TCTN1: variants seen among roughly 807,000 people sequenced by gnomAD.
TCTN1 encodes the protein tectonic-1.
TCTN1 carries 58 observed loss-of-function variants against 65.8 expected under a neutral mutation model. That is an observed-to-expected ratio of 0.88 (90% CI 0.71 to 1.10). The LOEUF (loss-of-function observed/expected upper bound fraction) is 1.10. Among genes scored for constraint, TCTN1 ranks in the 50% least tolerant of loss-of-function variants. TCTN1 has a pLI of 0.00. For missense variants in TCTN1, 645 were observed against 719.4 expected, an observed-to-expected ratio of 0.90 and a Z score of 1.18; for synonymous variants, 273 against 289.1, an observed-to-expected ratio of 0.94 and a Z score of 0.57.
chr12:110,647,988 C>T (rs1425141479), intron 14 of TCTN1, 95 bp downstream of exon 14: 4 of 1,568,642 alleles, frequency 2.5e-6, no homozygotes, highest in African/African-American at 2.7e-5. Flanking sequence ...GCATTTTATA[C>T]TTTTTGAGGG....
intron 1 of TCTN1, among the ~76,000 whole-genome samples, chr12:110,618,404 C>G (rs2065194395): frequency 6.6e-6 from 1 of 152,176 alleles, no homozygotes; most frequent in Admixed American, 6.5e-5. Flanking sequence ...CCACACCCAG[C>G]TAGTTTTTAT....
At chr12:110,620,754 A>G (rs2065365395) in intron 2 of TCTN1, among the ~76,000 whole-genome samples, 1 of 152,152 alleles carries the variant, frequency 6.6e-6, no homozygotes, top group African/African-American at 2.4e-5. Flanking sequence ...AGCTGATTAT[A>G]AGGTAAATAA....
chr12:110,632,548 A>G lies in TCTN1; in HGVS notation c.701A>G (p.Asn234Ser), dbSNP rs766946084. Residue 234 changes from asparagine (N) to serine (S), a missense_variant, in exon 5 of 15, where the codon AAT (asparagine) becomes AGT (serine). Asn to Ser is a conservative substitution (Grantham distance 46). Transcript: ENST00000397659. ...CTGACATCATCTCTGTGCACTGATA[A>G]TAACCCTGCAGGTAAGAAAGTGGTC... is the stretch of plus-strand genomic sequence containing the variant. ...SSLTSSLCTD[N>S]NPAAFLVNQA... is the part of the protein sequence containing the mutation. The G allele has an allele frequency of 6.2e-6, 10 of 1,613,514 alleles. No homozygotes were observed. The highest frequency in any genetic ancestry group is 1.1e-5 in the South Asian group (1 of 91,084).
At chr12:110,618,830 A>G (rs1018870683) in intron 1 of TCTN1, among the ~76,000 whole-genome samples, 4 of 152,142 alleles carry the variant, frequency 2.6e-5, no homozygotes, top group African/African-American at 7.2e-5. Flanking sequence ...AAAAATCCAG[A>G]TAATCATCTT....
chr12:110,647,829 C>T lies in TCTN1; in HGVS notation c.1716C>T (p.Gly572=). ...FVDVSAPAEA[G]FRAPPAINAR... ...ATGTGTCTGCACCTGCAGAGGCAGG[C>T]TTCAGAGCTCCACCAGCCATCAATG... is the stretch of plus-strand genomic sequence containing the variant. The change falls in exon 14 of 15, where the codon GGC becomes GGT. Residue 572 remains glycine, a synonymous_variant. Coordinates refer to ENST00000397659, the MANE Select transcript of TCTN1 (RefSeq NM_001082538.3). The T allele has an allele frequency of 1.2e-6, 2 of 1,614,222 alleles. No individual in the cohort carries two copies. Among genetic ancestry groups the T allele is most frequent in the Non-Finnish European group, 8.5e-7 (1 of 1,180,054 alleles).
At chr12:110,620,235 G>A (rs942033383) in intron 2 of TCTN1, among the ~76,000 whole-genome samples, 4 of 151,968 alleles carry the variant, frequency 2.6e-5, no homozygotes, top group African/African-American at 9.7e-5. Flanking sequence ...GTGAAACCCC[G>A]TCTCTACTAA....
intron 3 of TCTN1, 91 bp from the exon 4 acceptor site, chr12:110,628,676 T>G (rs2066016823): frequency 8.9e-7 from 1 of 1,126,706 alleles, no homozygotes; most frequent in Non-Finnish European, 1.3e-6. Context: ...GCCTTGATGC[T>G]ATTAAAAACT....
At chr12:110,631,253 G>C (rs1481341810) in intron 4 of TCTN1, among the ~76,000 whole-genome samples, 2 of 150,536 alleles carry the variant, frequency 1.3e-5, no homozygotes, top group Admixed American at 1.3e-4. Context: ...TTGAACTCCT[G>C]ACCTCAGGTA....
At chr12:110,624,921 T>C (rs1279344097) in intron 2 of TCTN1, among the ~76,000 whole-genome samples, 3 of 151,958 alleles carry the variant, frequency 2.0e-5, no homozygotes, top group African/African-American at 7.3e-5. Flanking sequence ...TCCAGACGAC[T>C]GATCTCAGGT....
rs1277761197 is a variant in TCTN1, at chr12:110,647,798, T to C, written c.1685T>C (p.Phe562Ser). Residue 562 changes from phenylalanine (F) to serine (S), a missense_variant, in exon 14 of 15, where the codon TTT becomes TCT. Transcript: ENST00000397659. ...RTILISTAVT[F>S]VDVSAPAEAG... is the part of the protein sequence containing the mutation. Reference sequence around the variant, plus strand: ...ATTCTTATTTCCACTGCGGTTACTTTTGTGGATGTGTCTGCACCTGCAGAG... The same window carrying C: ...ATTCTTATTTCCACTGCGGTTACTTCTGTGGATGTGTCTGCACCTGCAGAG... 1 of 1,614,220 alleles carries C rather than the reference T, an allele frequency of 6.2e-7. No homozygotes were observed. The highest frequency in any genetic ancestry group is 8.5e-7 in the Non-Finnish European group (1 of 1,180,036).
Position 110,647,295 on chromosome 12 carries a change from G to GTCAA in TCTN1, c.1596_1599dup (p.Val534GlnfsTer13). On this transcript the variant is annotated frameshift_variant, in exon 13 of 15. Transcript: ENST00000397659. LOFTEE classifies it high-confidence loss of function. ...CCTGCTGAATCCACAGGCCAAAATA[G>GTCAA]TCAATGTAACTGCAAATCTAATTTC... 6.2e-7 allele frequency: 1 copy of GTCAA among 1,614,200 alleles called. No homozygotes were observed. The highest frequency in any genetic ancestry group is 8.5e-7 in the Non-Finnish European group (1 of 1,180,030).
chr12:110,638,469 C>A (rs753201768), intron 7 of TCTN1, among the ~76,000 whole-genome samples: 58 of 152,340 alleles, frequency 3.8e-4, no homozygotes, highest in Middle Eastern at 3.4e-3. Context: ...GAATCATTGT[C>A]AGTATCTGTG....
In TCTN1 at chr12:110,645,108, C is replaced by T. The variant is rs1383172861; in HGVS notation, c.1473C>T (p.Ile491=). 3 of 1,614,162 alleles carry T rather than the reference C, an allele frequency of 1.9e-6. No homozygotes were observed. In the East Asian group the frequency reaches 6.7e-5, roughly 36 times the overall value. Residue 491 remains isoleucine, a synonymous_variant, in exon 12 of 15, where the codon ATC becomes ATT. Transcript: ENST00000397659. ...TGGACTGGGTGCCCATCCACTTCATCACCCAGTCATTCAACAGGAAGGTAA... is the reference window on the plus strand; with the variant it reads ...TGGACTGGGTGCCCATCCACTTCATTACCCAGTCATTCAACAGGAAGGTAA... ...DMLDWVPIHF[I]TQSFNRKHFV...
At position 110,636,430 on chromosome 12, in the gene TCTN1, A is replaced by G. The variant is rs190997925; in HGVS notation, c.823-51A>G. ...CGAGATCTGAAAAAGCAATGAAAAT[A>G]CTTCTTTTTGTTGTACTTAACACAA... On this transcript the variant is annotated intron_variant, in intron 6 of 14. Coordinates refer to ENST00000397659, the MANE Select transcript of TCTN1 (RefSeq NM_001082538.3). 1.9e-4 allele frequency: 231 copies of G among 1,226,422 alleles called. 1 individual carries two copies. The East Asian group carries it at 2.2e-3, about 12-fold the overall frequency. 76.0% of individuals were successfully genotyped at this position (1,226,422 alleles called of 1,614,324 possible). A position where few individuals can be genotyped will look rare whatever the true frequency, so the allele number is the denominator to read the frequency against.
chr12:110,623,762 C>T (rs2065617523), intron 2 of TCTN1, among the ~76,000 whole-genome samples: 3 of 151,982 alleles, frequency 2.0e-5, no homozygotes, highest in Admixed American at 2.0e-4. Context: ...CTAATTTTTT[C>T]TTTGTTTTCT....
At chr12:110,617,909 G>A (rs970652759) in intron 1 of TCTN1, among the ~76,000 whole-genome samples, 6 of 152,076 alleles carry the variant, frequency 3.9e-5, no homozygotes, top group Admixed American at 1.3e-4. Flanking sequence ...AAAGTGCTGG[G>A]ATTACAGGCT....
At chr12:110,614,580 A>C in intron 1 of TCTN1, 178 bp downstream of exon 1, 1 of 1,297,086 alleles carries the variant, frequency 7.7e-7, no homozygotes, top group Non-Finnish European at 1.1e-6. Flanking sequence ...AGCTGTTACT[A>C]TCACTGTCAG....
intron 4 of TCTN1, among the ~76,000 whole-genome samples, chr12:110,630,461 T>C (rs1008058388): frequency 2.6e-5 from 4 of 152,270 alleles, no homozygotes; most frequent in Admixed American, 1.3e-4. Flanking sequence ...GTTTTATGTC[T>C]ATTCAGTAGT....
intron 7 of TCTN1, among the ~76,000 whole-genome samples, chr12:110,638,612 GTT>G (rs2066741563): frequency 6.6e-6 from 1 of 152,174 alleles, no homozygotes; most frequent in African/African-American, 2.4e-5. Context: ...CAGCGCTACT[GTT>G]TCCTTCTCGG....
Sources: gnomAD v4.1 joint callset for allele counts (sites outside exome capture counted in the v4.1 genomes callset) on GRCh38, gnomAD v4.1.1 for gene constraint, MANE v1.5 for transcripts, NCBI Gene and HGNC (gene_info 2026-07-23, HGNC 2026-07-21) for gene names.